Variants in POLR2B observed in about 807,000 individuals in gnomAD.
POLR2B encodes the protein RNA polymerase II subunit B.
In POLR2B, 57 loss-of-function variants were observed where a neutral mutation model predicts 144.6. That is an observed-to-expected ratio of 0.39 (90% confidence interval 0.32 to 0.49). The LOEUF is 0.49. Ranked by LOEUF, POLR2B falls within the 20% of genes least tolerant of loss-of-function variation. The pLI, the probability that POLR2B is intolerant of heterozygous loss-of-function variation, is 0.83. For missense variants in POLR2B, 595 were observed against 1,467.4 expected, an observed-to-expected ratio of 0.41 and a Z score of 9.71; for synonymous variants, 442 against 469.8, an observed-to-expected ratio of 0.94 and a Z score of 0.77.
intron 7 of POLR2B, among the ~76,000 whole-genome samples, chr4:57,002,058 C>T (rs80148334): frequency 0.063 from 9,545 of 152,172 alleles, 350 homozygotes; most frequent in Middle Eastern, 0.088. Context: ...GAAAGGGTCT[C>T]GCTCTGTCAC....
rs1380761638 is a variant in POLR2B at position 57,022,180 on chromosome 4, C to T, written c.2449C>T (p.Gln817Ter). ...TGTTTTCTATCGCTCATACAAAGAA[C>T]AGGAGTCTAAAAAAGGATTTGATCA... Reference protein sequence around the residue: ...RSVFYRSYKEQESKKGFDQEE... With the variant: ...RSVFYRSYKE The change falls in exon 18 of 25, where the codon CAG becomes TAG. Residue 817 changes from glutamine (Q) to a stop codon, truncating the protein, a stop_gained. Coordinates refer to ENST00000314595, the MANE Select transcript of POLR2B (RefSeq NM_000938.3). LOFTEE classifies it high-confidence loss of function. The T allele has an allele frequency of 6.2e-7, 1 of 1,610,958 alleles. No homozygotes were observed. Among genetic ancestry groups the T allele is most frequent in the East Asian group, 2.2e-5 (1 of 44,812 alleles).
At chr4:57,001,408 T>C (rs1046767785) in intron 7 of POLR2B, among the ~76,000 whole-genome samples, 2 of 152,202 alleles carry the variant, frequency 1.3e-5, no homozygotes, top group African/African-American at 4.8e-5. Context: ...AGGGGCAGCC[T>C]GCGTAGGCCT....
In POLR2B at chr4:57,002,012, A is replaced by AT. The variant is rs368738429; in HGVS notation, c.900+2235dup. ...GGTTCTGGTTAGATTTTACTTTCAGATTTTGCCAGTAGTTACATACCTTAT... is the reference window on the plus strand; with the variant it reads ...GGTTCTGGTTAGATTTTACTTTCAGATTTTTGCCAGTAGTTACATACCTTAT... On this transcript the variant is annotated intron_variant, in intron 7 of 24. Transcript: ENST00000314595. Among the ~76,000 whole-genome samples the AT allele has an allele frequency of 2.1e-3, 317 of 152,046 alleles. 2 individuals carry two copies. The highest frequency in any genetic ancestry group is 7.4e-3 in the African/African-American group (308 of 41,472).
At chr4:56,991,893 A>G (rs1722518270) in intron 3 of POLR2B, among the ~76,000 whole-genome samples, 1 of 152,142 alleles carries the variant, frequency 6.6e-6, no homozygotes, top group South Asian at 2.1e-4. Flanking sequence ...CCTGACCTCA[A>G]GTGATCCACC....
At chr4:57,013,829 C>A (rs182521372) in intron 13 of POLR2B, among the ~76,000 whole-genome samples, 1 of 151,484 alleles carries the variant, frequency 6.6e-6, no homozygotes, top group Admixed American at 6.6e-5. Context: ...GTAGAGTGGT[C>A]GGGTGTGGTG....
rs773964773 is a variant in POLR2B at position 57,023,799 on chromosome 4, T to C, written c.2856+48T>C. Reference sequence around the variant, plus strand: ...ATGCCCAAACCAGTTTTGTTAAATATTTTTTTTTTAATCAAAATTTGCTTT... The same window carrying C: ...ATGCCCAAACCAGTTTTGTTAAATACTTTTTTTTTAATCAAAATTTGCTTT... On this transcript the variant is annotated intron_variant, in intron 20 of 24. Transcript: ENST00000314595. The surrounding 1 kb of genome is among the most constrained non-coding windows in gnomAD (Gnocchi z 4.3). 7.5e-6 allele frequency: 7 copies of C among 930,696 alleles called. 1 individual carries two copies. In the East Asian group the frequency reaches 2.0e-4, roughly 27 times the overall value. The allele number at this position is 930,696 out of a possible 1,614,324, so 57.7% of individuals were successfully genotyped here. A position where few individuals can be genotyped will look rare whatever the true frequency, so the allele number is the denominator to read the frequency against.
chr4:56,998,233 T>G (rs1371564810), intron 6 of POLR2B, among the ~76,000 whole-genome samples: 2 of 151,846 alleles, frequency 1.3e-5, no homozygotes, highest in African/African-American at 4.8e-5. Context: ...TTTTTTTTTT[T>G]TTTTGGAGAC....
chr4:57,005,535 A>G, intron 8 of POLR2B, 65 bp from the exon 9 acceptor site: 1 of 1,530,084 alleles, frequency 6.5e-7, no homozygotes, highest in Non-Finnish European at 8.8e-7. Flanking sequence ...TTAACATATA[A>G]ATCAAAAAAA....
intron 1 of POLR2B, chr4:56,985,309 C>T: frequency 1.0e-6 from 1 of 985,390 alleles, no homozygotes; most frequent in Non-Finnish European, 1.2e-6. Context: ...ATCTCAGCTC[C>T]TGCGAGGAGG....
At chr4:57,005,134 A>G in intron 7 of POLR2B, 112 bp from the exon 8 acceptor site, 1 of 534,742 alleles carries the variant, frequency 1.9e-6, no homozygotes, top group South Asian at 5.3e-5. Flanking sequence ...ATACTCACAT[A>G]TTTTATTATG....
At chr4:57,012,707 C>T (rs1723230963) in intron 13 of POLR2B, among the ~76,000 whole-genome samples, 1 of 152,140 alleles carries the variant, frequency 6.6e-6, no homozygotes, top group Admixed American at 6.5e-5. Context: ...CTTTGTTGCC[C>T]AGGCTGGAGT....
rs116839419 is a variant in POLR2B, at chr4:56,999,051, A to G, written c.736-566A>G. Among the ~76,000 whole-genome samples the G allele has an allele frequency of 9.5e-3, 1,448 of 152,254 alleles. 25 individuals carry two copies. The highest frequency in any genetic ancestry group is 0.033 in the African/African-American group (1,387 of 41,534). ...TTTTAATTTGTCTTTGTATATGCGT[A>G]CAATTAAAGAGGGAGAAATTGGAAA... is the stretch of plus-strand genomic sequence containing the variant. On this transcript the variant is annotated intron_variant, in intron 6 of 24. Transcript: ENST00000314595.
At chr4:57,030,101 AG>A (rs1723865875) in intron 23 of POLR2B, 102 bp from the exon 24 acceptor site, 1 of 895,868 alleles carries the variant, frequency 1.1e-6, no homozygotes, top group Non-Finnish European at 1.8e-6. Flanking sequence ...ATTAGAGCCT[AG>A]TTATCCGTCT....
chr4:57,029,604 G>A (rs959107138), intron 23 of POLR2B, among the ~76,000 whole-genome samples: 22 of 152,048 alleles, frequency 1.4e-4, no homozygotes, highest in Non-Finnish European at 2.9e-4. Flanking sequence ...TCTTATGTTG[G>A]GGAAACCTAT....
At chr4:57,021,292 G>A (rs1396200899) in intron 17 of POLR2B, among the ~76,000 whole-genome samples, 1 of 152,034 alleles carries the variant, frequency 6.6e-6, no homozygotes, top group Non-Finnish European at 1.5e-5. Context: ...AAATTATAGT[G>A]TGTTTTCTTT....
Position 56,992,334 on chromosome 4 carries a change from AGG to A in POLR2B, c.243+1437_243+1438del, listed in dbSNP as rs1210556007. Among the ~76,000 whole-genome samples the A allele has an allele frequency of 1.7e-3, 258 of 151,306 alleles. 3 individuals carry two copies. In the East Asian group the frequency reaches 0.05, roughly 29 times the overall value. On this transcript the variant is annotated intron_variant, in intron 3 of 24. Transcript: ENST00000314595. ...ACAAAAATTAGCCGGGTGTGGTGCC[AGG>A]CACCTGTAGTCCCAGCTACTAGGGA... is the stretch of plus-strand genomic sequence containing the variant.
At chr4:56,986,965 G>A (rs546906273) in intron 2 of POLR2B, among the ~76,000 whole-genome samples, 83 of 152,204 alleles carry the variant, frequency 5.5e-4, no homozygotes, top group African/African-American at 1.7e-3. Flanking sequence ...ATCACATATT[G>A]CATTTACTTG....
At chr4:56,990,468 TC>T (rs934929956) in intron 2 of POLR2B, among the ~76,000 whole-genome samples, 2 of 152,212 alleles carry the variant, frequency 1.3e-5, no homozygotes, top group African/African-American at 4.8e-5. Context: ...TGCCTTGGCC[TC>T]CCAGGAGCTG....
In POLR2B at chr4:57,020,967, C is replaced by A; in HGVS notation, c.2392C>A (p.Arg798Ser). The change falls in exon 17 of 25, where the codon CGT (arginine) becomes AGT (serine). Residue 798 changes from arginine (R) to serine (S), a missense_variant. This residue lies in a region of POLR2B where 39 missense variants were observed against 174.3 expected (regional missense o/e 0.22). Transcript: ENST00000314595. ...TCAGGAAGACTCTGTTATCATGAAT[C>A]GTTCAGCTGTAGACCGCGGCTTCTT... ...YNQEDSVIMN[R>S]SAVDRGFFRS... 6.2e-7 allele frequency: 1 copy of A among 1,603,414 alleles called. No individual in the cohort carries two copies. The highest frequency in any genetic ancestry group is 8.5e-7 in the Non-Finnish European group (1 of 1,170,178).
Sources: gnomAD v4.1 joint callset for allele counts (sites outside exome capture counted in the v4.1 genomes callset) on GRCh38, gnomAD v4.1.1 for gene constraint, gnomAD v4.1.1 regional missense constraint, Gnocchi (gnomAD v3.1) non-coding constraint, MANE v1.5 for transcripts, NCBI Gene and HGNC (gene_info 2026-07-23, HGNC 2026-07-21) for gene names.